CCDC85C: variants seen among roughly 807,000 people sequenced by gnomAD.
The protein encoded by CCDC85C is coiled-coil domain containing 85C.
In CCDC85C, 18 loss-of-function variants were observed where a neutral mutation model predicts 38.3. The ratio of observed to expected loss-of-function variants is 0.47; its 90% CI spans 0.33 to 0.70. The LOEUF (loss-of-function observed/expected upper bound fraction) is 0.70, where lower values mean the gene tolerates loss of function less well. Among genes scored for constraint, CCDC85C ranks in the 30% least tolerant of loss-of-function variants. The pLI is 0.03. For missense variants in CCDC85C, 566 were observed against 621.2 expected (o/e 0.91, Z 0.94); for synonymous variants, 264 against 293.8 (o/e 0.90, Z 1.04).
chr14:99,509,360 G>A lies in CCDC85C; in HGVS notation c.*5886C>T, dbSNP rs1309191021. On this transcript the variant is annotated 3_prime_UTR_variant, in exon 6 of 6. Transcript: ENST00000380243. Reference sequence around the variant, plus strand: ...GACCCGGGATCACAGGCCAAAACATGTTAAATAAGGCTTTGGCAGAAGGGG... The same window carrying A: ...GACCCGGGATCACAGGCCAAAACATATTAAATAAGGCTTTGGCAGAAGGGG... 1 of 152,308 alleles carries A rather than the reference G, an allele frequency of 6.6e-6. No individual in the cohort carries two copies. Among genetic ancestry groups the A allele is most frequent in the Non-Finnish European group, 1.5e-5 (1 of 68,068 alleles). 9.4% of individuals were successfully genotyped at this position (152,308 alleles called of 1,614,324 possible).
intron 3 of CCDC85C, among the ~76,000 whole-genome samples, chr14:99,519,557 T>C (rs1897275866): frequency 1.3e-5 from 2 of 152,126 alleles, no homozygotes; most frequent in South Asian, 4.1e-4. Flanking sequence ...AGGATACCAG[T>C]GTGCACCAGA....
In CCDC85C at chr14:99,548,771, T is replaced by G. The variant is rs953954984; in HGVS notation, c.794-12683A>C. 6.6e-6 allele frequency among the ~76,000 whole-genome samples: 1 copy of G among 151,448 alleles called. No individual in the cohort carries two copies. Among genetic ancestry groups the G allele is most frequent in the Admixed American group, 6.6e-5 (1 of 15,240 alleles). On this transcript the variant is annotated intron_variant, in intron 1 of 5. Transcript: ENST00000380243. This position sits in a 1 kb window ranked among gnomAD's most constrained non-coding sequence, Gnocchi z 4.9. The stretch of plus-strand genomic sequence containing the variant: ...AGGAGTGTGAGTCCAGCCCGGGCAA[T>G]CTAAAAAAAGACCACCTCTAAAAAC...
chr14:99,532,516 A>ATGAGTGCCCAC (rs1897512054), intron 2 of CCDC85C, among the ~76,000 whole-genome samples: 1 of 152,218 alleles, frequency 6.6e-6, no homozygotes, highest in Non-Finnish European at 1.5e-5. Context: ...CACTGAGTGA[A>ATGAGTGCCCAC]TGAGTGCCCA....
chr14:99,516,522 G>C lies in CCDC85C; in HGVS notation c.1072-236C>G, dbSNP rs1384383930. On this transcript the variant is annotated intron_variant, in intron 4 of 5. Transcript: ENST00000380243. This position sits in a 1 kb window ranked among gnomAD's most constrained non-coding sequence, Gnocchi z 5.5. ...TGGCTGGGCCACCCGGGAGGAAGTA[G>C]ACAGGCTGGGCAAGGAAGACCCTCA... Among the ~76,000 whole-genome samples the C allele has an allele frequency of 6.6e-6, 1 of 152,186 alleles. No individual in the cohort carries two copies. The highest frequency in any genetic ancestry group is 1.5e-5 in the Non-Finnish European group (1 of 68,030).
At position 99,502,864 on chromosome 14, in the gene CCDC85C, C is replaced by A. The variant is rs566277343; in HGVS notation, c.*12382G>T. 1 of 1,613,136 alleles carries A rather than the reference C, an allele frequency of 6.2e-7. No individual in the cohort carries two copies. Among genetic ancestry groups the A allele is most frequent in the African/African-American group, 1.3e-5 (1 of 74,840 alleles). On this transcript the variant is annotated 3_prime_UTR_variant, in exon 6 of 6. Transcript: ENST00000380243. The stretch of plus-strand genomic sequence containing the variant: ...AGCAGTCACAGCCGTCTCAAAGCTC[C>A]GAACCATCCCAGCCCCAGCAGAAGG...
chr14:99,502,693 A>C lies in CCDC85C; in HGVS notation c.*12553T>G. 6.2e-7 allele frequency: 1 copy of C among 1,604,634 alleles called. No individual in the cohort carries two copies. Among genetic ancestry groups the C allele is most frequent in the Non-Finnish European group, 8.5e-7 (1 of 1,171,746 alleles). On this transcript the variant is annotated 3_prime_UTR_variant, in exon 6 of 6. Coordinates refer to ENST00000380243, the MANE Select transcript of CCDC85C (RefSeq NM_001144995.2). ...TTTATTTAAAATACCAATTTGTGTA[A>C]AATGTAATTGTTGGCTATCATTTAG...
At chr14:99,542,976 C>T (rs1019923454) in intron 1 of CCDC85C, among the ~76,000 whole-genome samples, 1 of 152,206 alleles carries the variant, frequency 6.6e-6, no homozygotes, top group Admixed American at 6.5e-5. Flanking sequence ...TCCAGGCCTG[C>T]CTACTCCCTG....
In CCDC85C at chr14:99,515,098, G is replaced by C. The variant is rs1897200101; in HGVS notation, c.*148C>G. 1 of 600,348 alleles carries C rather than the reference G, an allele frequency of 1.7e-6. No individual in the cohort carries two copies. The highest frequency in any genetic ancestry group is 1.9e-5 in the African/African-American group (1 of 53,766). 37.2% of individuals were successfully genotyped at this position (600,348 alleles called of 1,614,324 possible). ...GGGCCAGTGCATCGGACCCATGGCA[G>C]CTGGGCCAGGGCGGGCAGCGTCCTA... On this transcript the variant is annotated 3_prime_UTR_variant, in exon 6 of 6. Coordinates refer to ENST00000380243, the MANE Select transcript of CCDC85C (RefSeq NM_001144995.2).
At position 99,558,586 on chromosome 14, in the gene CCDC85C, A is replaced by G. The variant is rs1340313872; in HGVS notation, c.794-22498T>C. ...CAGTGAGCCAAGATTGTGCCACTGC[A>G]CTCCAGCCTGGAGATAGAGCGAGAC... On this transcript the variant is annotated intron_variant, in intron 1 of 5. Transcript: ENST00000380243. This position sits in a 1 kb window ranked among gnomAD's most constrained non-coding sequence, Gnocchi z 4.2. Among the ~76,000 whole-genome samples, 1 of 152,220 alleles carries G rather than the reference A, an allele frequency of 6.6e-6. No individual in the cohort carries two copies. Among genetic ancestry groups the G allele is most frequent in the Non-Finnish European group, 1.5e-5 (1 of 68,044 alleles).
In CCDC85C at chr14:99,511,914, C is replaced by CTCTG. The variant is rs1483200554; in HGVS notation, c.*3328_*3331dup. 6.6e-6 allele frequency: 1 copy of CTCTG among 152,418 alleles called. No homozygotes were observed. Among genetic ancestry groups the CTCTG allele is most frequent in the Non-Finnish European group, 1.5e-5 (1 of 68,046 alleles). 9.4% of individuals were successfully genotyped at this position (152,418 alleles called of 1,614,324 possible). ...CACTGTCCACCTTGAGGGGCCACGG[C>CTCTG]TCTGTCTGTGGAAGGGGCCCCGACT... On this transcript the variant is annotated 3_prime_UTR_variant, in exon 6 of 6. Transcript: ENST00000380243.
chr14:99,566,526 C>A (rs1178723191), intron 1 of CCDC85C, among the ~76,000 whole-genome samples: 1 of 152,168 alleles, frequency 6.6e-6, no homozygotes, highest in African/African-American at 2.4e-5. Flanking sequence ...TTCACACTGA[C>A]CTCCAGTGTG....
chr14:99,515,904 G>A (rs986349594), intron 5 of CCDC85C, among the ~76,000 whole-genome samples: 14 of 152,024 alleles, frequency 9.2e-5, no homozygotes, highest in African/African-American at 2.7e-4. Context: ...AGTCCCGGGG[G>A]GGTGGGGGGC....
intron 1 of CCDC85C, among the ~76,000 whole-genome samples, chr14:99,591,303 G>A (rs1595106233): frequency 6.6e-6 from 1 of 152,366 alleles, no homozygotes; most frequent in East Asian, 1.9e-4. Context: ...CTGGGCTTAG[G>A]TTTCCTGCCA....
At chr14:99,528,487 G>A (rs8013165) in intron 2 of CCDC85C, among the ~76,000 whole-genome samples, 69,999 of 152,038 alleles carry the variant, frequency 0.46, 16,502 homozygotes, top group South Asian at 0.59. Flanking sequence ...CCATGTGCCC[G>A]GCACTGGGTC....
Position 99,550,954 on chromosome 14 carries a change from G to A in CCDC85C, c.794-14866C>T, listed in dbSNP as rs143265886. On this transcript the variant is annotated intron_variant, in intron 1 of 5. Coordinates refer to ENST00000380243, the MANE Select transcript of CCDC85C (RefSeq NM_001144995.2). ...GGCACCAGCCTCCATCACCAATCCA[G>A]CAAAGGCTACCACATCACTGCCAAC... 7.1e-4 allele frequency among the ~76,000 whole-genome samples: 108 copies of A among 152,320 alleles called. 1 individual carries two copies. The East Asian group carries it at 0.017, about 25-fold the overall frequency.
At position 99,503,514 on chromosome 14, in the gene CCDC85C, A is replaced by T; in HGVS notation, c.*11732T>A. 9.6e-7 allele frequency: 1 copy of T among 1,044,144 alleles called. No homozygotes were observed. Among genetic ancestry groups the T allele is most frequent in the Non-Finnish European group, 1.4e-6 (1 of 701,752 alleles). 64.7% of individuals were successfully genotyped at this position (1,044,144 alleles called of 1,614,324 possible). A position where few individuals can be genotyped will look rare whatever the true frequency, so the allele number is the denominator to read the frequency against. On this transcript the variant is annotated 3_prime_UTR_variant, in exon 6 of 6. Coordinates refer to ENST00000380243, the MANE Select transcript of CCDC85C (RefSeq NM_001144995.2). ...TTTTTGTCCGAGGCTGTTCACAGTG[A>T]CTGCCGTCGCTGATTCTGGTGGTAC...
At chr14:99,559,216 C>A (rs1339942724) in intron 1 of CCDC85C, among the ~76,000 whole-genome samples, 1 of 33,082 alleles carries the variant, frequency 3.0e-5, no homozygotes, top group African/African-American at 1.6e-4. Flanking sequence ...ATACAGGAGT[C>A]CCCCCGAGAG....
At chr14:99,538,811 A>G (rs1254798100) in intron 1 of CCDC85C, among the ~76,000 whole-genome samples, 1 of 152,240 alleles carries the variant, frequency 6.6e-6, no homozygotes, top group African/African-American at 2.4e-5. Flanking sequence ...GGTTAAAGAC[A>G]GTGATCAGGC....
At chr14:99,537,757 C>T (rs1218273753) in intron 1 of CCDC85C, among the ~76,000 whole-genome samples, 1 of 152,208 alleles carries the variant, frequency 6.6e-6, no homozygotes, top group Non-Finnish European at 1.5e-5. Context: ...ATCCCTCCCT[C>T]CCTGGCCTCA....
Sources: gnomAD v4.1 joint callset for allele counts (sites outside exome capture counted in the v4.1 genomes callset) on GRCh38, gnomAD v4.1.1 for gene constraint, Gnocchi (gnomAD v3.1) non-coding constraint, MANE v1.5 for transcripts, NCBI Gene and HGNC (gene_info 2026-07-23, HGNC 2026-07-21) for gene names.